Variants in PLPP3 observed in about 807,000 individuals in gnomAD.
The protein encoded by PLPP3 is phospholipid phosphatase 3, also known as PAP2 beta.
PLPP3 carries 6 observed loss-of-function variants against 29.6 expected under a neutral mutation model. The ratio of observed to expected loss-of-function variants is 0.20; its 90% CI spans 0.11 to 0.40. PLPP3 has a LOEUF of 0.40. Among genes scored for constraint, PLPP3 ranks in the 10% least tolerant of loss-of-function variants. PLPP3 has a pLI of 1.00. For synonymous variants in PLPP3, 152 were observed against 159.7 expected (o/e 0.95, Z 0.36); for missense variants, 308 against 407.7 (o/e 0.76, Z 2.11).
intron 5 of PLPP3, among the ~76,000 whole-genome samples, chr1:56,502,533 C>T (rs532166102): frequency 1.3e-5 from 2 of 152,280 alleles, no homozygotes; most frequent in African/African-American, 2.4e-5. Flanking sequence ...ATCCAGAGTA[C>T]AGTTAAAAGA....
chr1:56,570,145 T>C (rs1259175765), intron 1 of PLPP3, among the ~76,000 whole-genome samples: 1 of 152,240 alleles, frequency 6.6e-6, no homozygotes, highest in Non-Finnish European at 1.5e-5. Context: ...GGCTTATACC[T>C]GAAAGACAGG....
intron 1 of PLPP3, 56 bp downstream of exon 1, chr1:56,578,822 A>ACG: frequency 6.8e-7 from 1 of 1,468,148 alleles, no homozygotes; most frequent in Non-Finnish European, 9.0e-7. Context: ...CTGGGCTGGG[A>ACG]CGCGCGCCGA....
chr1:56,536,274 C>T (rs1411692444), intron 2 of PLPP3, among the ~76,000 whole-genome samples: 1 of 152,162 alleles, frequency 6.6e-6, no homozygotes, highest in African/African-American at 2.4e-5. Context: ...AAACTCAAAC[C>T]CACAACTGTC....
chr1:56,532,436 C>T (rs72664350), intron 2 of PLPP3, among the ~76,000 whole-genome samples: 1,643 of 151,984 alleles, frequency 0.011, 34 homozygotes, highest in East Asian at 0.11. Context: ...GTTGAGGAAC[C>T]TTGTTTTCTT....
chr1:56,526,363 A>G (rs1397127776), intron 2 of PLPP3, among the ~76,000 whole-genome samples: 1 of 152,194 alleles, frequency 6.6e-6, no homozygotes, highest in African/African-American at 2.4e-5. Flanking sequence ...AGGGACCATT[A>G]TATTTAGAAG....
intron 1 of PLPP3, among the ~76,000 whole-genome samples, chr1:56,550,211 C>T: frequency 6.6e-6 from 1 of 152,162 alleles, no homozygotes; most frequent in African/African-American, 2.4e-5. Flanking sequence ...TCCTGCAGCG[C>T]TGCCCCTTCC....
intron 4 of PLPP3, among the ~76,000 whole-genome samples, chr1:56,517,962 C>T (rs1010748915): frequency 6.6e-5 from 10 of 152,194 alleles, no homozygotes; most frequent in Non-Finnish European, 1.5e-4. Context: ...GTGAGGGCCA[C>T]TTCCATCCCC....
chr1:56,551,369 C>T (rs932500052), intron 1 of PLPP3, among the ~76,000 whole-genome samples: 51 of 143,350 alleles, frequency 3.6e-4, no homozygotes, highest in African/African-American at 1.3e-3. Flanking sequence ...CCTCCCCTTC[C>T]ACCTCTGCCA....
intron 1 of PLPP3, among the ~76,000 whole-genome samples, chr1:56,566,637 G>A (rs966829132): frequency 6.6e-6 from 1 of 152,114 alleles, no homozygotes; most frequent in African/African-American, 2.4e-5. Context: ...TGCAAAACCA[G>A]GTTTGAAACA....
At chr1:56,563,156 A>G (rs1264658754) in intron 1 of PLPP3, among the ~76,000 whole-genome samples, 3 of 152,184 alleles carry the variant, frequency 2.0e-5, no homozygotes, top group African/African-American at 2.4e-5. Flanking sequence ...TCTAAGTCCT[A>G]TTTAACTTTT....
chr1:56,578,940 G>C lies in PLPP3; in HGVS notation c.77C>G (p.Pro26Arg). 3.1e-6 allele frequency: 5 copies of C among 1,606,134 alleles called. No individual in the cohort carries two copies. Among genetic ancestry groups the C allele is most frequent in the South Asian group, 1.1e-5 (1 of 90,704 alleles). The change falls in exon 1 of 6, where the codon CCG becomes CGG. Residue 26 changes from proline to arginine, a missense_variant. Pro to Arg is a moderately radical substitution (Grantham distance 103). Transcript: ENST00000371250. ...NGGSPALNNN[P>R]RRSGSKRVLL... ...CACCCGCTTGCTGCCGCTCCTCCTCGGGTTGTTGTTGAGCGCCGGGCTGCC... is the reference window on the plus strand; with the variant it reads ...CACCCGCTTGCTGCCGCTCCTCCTCCGGTTGTTGTTGAGCGCCGGGCTGCC...
chr1:56,579,420 C>A lies in PLPP3; in HGVS notation c.-404G>T. 1 of 214,546 alleles carries A rather than the reference C, an allele frequency of 4.7e-6. No individual in the cohort carries two copies. Among genetic ancestry groups the A allele is most frequent in the South Asian group, 6.0e-5 (1 of 16,724 alleles). The allele number at this position is 214,546 out of a possible 1,614,324, so 13.3% of individuals were successfully genotyped here. ...CTGGTTCCTTAATGAATGGGAGCTG[C>A]GCTGAGCCCAGCAACTCCGGAGCGC... is the stretch of plus-strand genomic sequence containing the variant. On this transcript the variant is annotated 5_prime_UTR_variant, in exon 1 of 6. Coordinates refer to ENST00000371250, the MANE Select transcript of PLPP3 (RefSeq NM_003713.5).
rs145342750 is a variant in PLPP3, at chr1:56,571,837, G to A, written c.139+7041C>T. Among the ~76,000 whole-genome samples the A allele has an allele frequency of 1.8e-4, 28 of 152,190 alleles. No homozygotes were observed. In the East Asian group the frequency reaches 4.8e-3, roughly 26 times the overall value. On this transcript the variant is annotated intron_variant, in intron 1 of 5. Transcript: ENST00000371250. ...ACCTGACAAGAGCTCTGGAAAAGTT[G>A]GTGACTGCTTTCTAGCTGGGTGCCC...
chr1:56,534,656 C>T (rs1181044446), intron 2 of PLPP3, among the ~76,000 whole-genome samples: 2 of 152,116 alleles, frequency 1.3e-5, no homozygotes, highest in East Asian at 1.9e-4. Flanking sequence ...AATGTGTCGA[C>T]GTCATCGTTG....
At chr1:56,503,013 T>C (rs919427695) in intron 5 of PLPP3, among the ~76,000 whole-genome samples, 2 of 152,196 alleles carry the variant, frequency 1.3e-5, no homozygotes, top group Admixed American at 6.5e-5. Context: ...GAGAAAGCCT[T>C]GGGACCTGGC....
intron 2 of PLPP3, among the ~76,000 whole-genome samples, chr1:56,525,228 A>G (rs1645845112): frequency 6.6e-6 from 1 of 152,236 alleles, no homozygotes; most frequent in South Asian, 2.1e-4. Context: ...CCTGGATCAC[A>G]GAAAGTGATG....
chr1:56,577,143 C>T (rs1646242232), intron 1 of PLPP3, among the ~76,000 whole-genome samples: 1 of 152,174 alleles, frequency 6.6e-6, no homozygotes, highest in South Asian at 2.1e-4. Context: ...CAGGGAGTTC[C>T]AGGCAAGTTT....
intron 2 of PLPP3, among the ~76,000 whole-genome samples, chr1:56,526,166 T>C (rs1205371339): frequency 6.6e-6 from 1 of 152,114 alleles, no homozygotes; most frequent in Non-Finnish European, 1.5e-5. Flanking sequence ...GCAAAACTAG[T>C]ATGGGACCCT....
At chr1:56,528,412 T>C (rs1645866265) in intron 2 of PLPP3, among the ~76,000 whole-genome samples, 1 of 152,074 alleles carries the variant, frequency 6.6e-6, no homozygotes, top group Non-Finnish European at 1.5e-5. Flanking sequence ...AAAATTAGGA[T>C]AGATTTTTGG....
Sources: allele counts gnomAD v4.1 joint callset (sites outside exome capture counted in the v4.1 genomes callset), GRCh38; gene constraint gnomAD v4.1.1; transcripts MANE v1.5; gene names NCBI Gene and HGNC (gene_info 2026-07-23, HGNC 2026-07-21).